BTRC: variants seen among roughly 807,000 people sequenced by gnomAD.
BTRC encodes beta-transducin repeat containing E3 ubiquitin protein ligase, also known as F-box/WD repeat-containing protein 1A.
In BTRC, 42 loss-of-function variants were observed where a neutral mutation model predicts 85.5. The ratio of observed to expected loss-of-function variants is 0.49; its 90% CI spans 0.38 to 0.64. The LOEUF (loss-of-function observed/expected upper bound fraction) is 0.64, where lower values mean the gene tolerates loss of function less well. Ranked by LOEUF, BTRC falls within the 30% of genes least tolerant of loss-of-function variation. The pLI, the probability that BTRC is intolerant of heterozygous loss-of-function variation, is 0.00. For synonymous variants in BTRC, 255 were observed against 263.3 expected (o/e 0.97, Z 0.30); for missense variants, 594 against 743.5 (o/e 0.80, Z 2.34).
intron 1 of BTRC, among the ~76,000 whole-genome samples, chr10:101,411,107 T>C (rs929770238): frequency 6.6e-6 from 1 of 151,662 alleles, no homozygotes; most frequent in Non-Finnish European, 1.5e-5. Flanking sequence ...GCAGTTCTCC[T>C]GCTTCAGCCT....
chr10:101,490,413 G>GT (rs1434372020), intron 4 of BTRC, among the ~76,000 whole-genome samples: 1 of 152,204 alleles, frequency 6.6e-6, no homozygotes, highest in Non-Finnish European at 1.5e-5. Flanking sequence ...TGTGAACCTG[G>GT]TGAGATGGAC....
At chr10:101,359,805 G>A (rs1164567554) in intron 1 of BTRC, among the ~76,000 whole-genome samples, 3 of 151,970 alleles carry the variant, frequency 2.0e-5, no homozygotes, top group African/African-American at 7.3e-5. Flanking sequence ...TTTCCATGTT[G>A]GTCAGGCTGG....
At chr10:101,475,890 C>T (rs1269184520) in intron 3 of BTRC, among the ~76,000 whole-genome samples, 2 of 126,462 alleles carry the variant, frequency 1.6e-5, no homozygotes, top group African/African-American at 5.8e-5. Context: ...CAAGTAGAAA[C>T]AGAATATTTG....
intron 1 of BTRC, among the ~76,000 whole-genome samples, chr10:101,396,596 G>T (rs1226414323): frequency 1.3e-5 from 2 of 151,740 alleles, no homozygotes; most frequent in Non-Finnish European, 2.9e-5. Context: ...TTTCATTTTT[G>T]ATCTACTTAG....
chr10:101,461,333 C>A (rs1326364705), intron 2 of BTRC, among the ~76,000 whole-genome samples: 1 of 152,060 alleles, frequency 6.6e-6, no homozygotes, highest in East Asian at 1.9e-4. Flanking sequence ...TATTGACTAG[C>A]AGATTTTTAG....
chr10:101,430,258 T>G (rs1244206237), intron 1 of BTRC, 87 bp from the exon 2 acceptor site: 1 of 768,752 alleles, frequency 1.3e-6, no homozygotes, highest in Non-Finnish European at 2.1e-6. Flanking sequence ...AACTGGAATA[T>G]TGCGTTCAGC....
intron 3 of BTRC, 99 bp from the exon 4 acceptor site, chr10:101,479,269 A>G (rs1425396875): frequency 4.8e-6 from 4 of 837,640 alleles, no homozygotes; most frequent in Non-Finnish European, 5.6e-6. Flanking sequence ...GATAAAATCT[A>G]TTTGTGTTTT....
intron 2 of BTRC, among the ~76,000 whole-genome samples, chr10:101,455,060 C>CTT (rs34039959): frequency 1.2e-4 from 17 of 143,318 alleles, no homozygotes; most frequent in African/African-American, 1.5e-4. Context: ...ATCCAAGAAA[C>CTT]TTTTTTTTTT....
intron 4 of BTRC, among the ~76,000 whole-genome samples, chr10:101,514,043 C>T (rs745323435): frequency 2.4e-4 from 37 of 152,270 alleles, no homozygotes; most frequent in Non-Finnish European, 4.0e-4. Context: ...AACATCTTTT[C>T]ATATGCTTAT....
intron 1 of BTRC, among the ~76,000 whole-genome samples, chr10:101,378,520 A>ATTTT (rs368968037): frequency 1.0e-5 from 1 of 97,068 alleles, no homozygotes; most frequent in Admixed American, 1.2e-4. Context: ...CCCAATTATA[A>ATTTT]TTTTTTTTTT....
intron 2 of BTRC, among the ~76,000 whole-genome samples, chr10:101,460,043 C>T (rs1338284411): frequency 6.6e-6 from 1 of 152,108 alleles, no homozygotes; most frequent in African/African-American, 2.4e-5. Flanking sequence ...TTTTGAAATA[C>T]AGGATCTTAC....
At position 101,430,413 on chromosome 10, in the gene BTRC, C is replaced by T. The variant is rs763367456; in HGVS notation, c.117C>T (p.Cys39=). 5.3e-5 allele frequency: 85 copies of T among 1,613,938 alleles called. No individual in the cohort carries two copies. The highest frequency in any genetic ancestry group is 5.9e-6 in the Non-Finnish European group (7 of 1,179,990). Residue 39 remains cysteine (C), a synonymous_variant, in exon 2 of 15, where the codon TGC becomes TGT. Coordinates refer to ENST00000370187, the MANE Select transcript of BTRC (RefSeq NM_033637.4). ...CGGACAGCATGCCTTCGCTGCGATGCCTGTATAACCCAGGGACTGGCGCAC... is the reference window on the plus strand; with the variant it reads ...CGGACAGCATGCCTTCGCTGCGATGTCTGTATAACCCAGGGACTGGCGCAC... The part of the protein sequence containing the change: ...SLADSMPSLR[C]LYNPGTGALT...
intron 1 of BTRC, among the ~76,000 whole-genome samples, chr10:101,418,453 G>T (rs1296971704): frequency 6.6e-6 from 1 of 151,846 alleles, no homozygotes; most frequent in Non-Finnish European, 1.5e-5. Context: ...ATGGCGAATA[G>T]TTATTACAAT....
At chr10:101,479,747 G>T (rs553762096) in intron 4 of BTRC, among the ~76,000 whole-genome samples, 1 of 152,156 alleles carries the variant, frequency 6.6e-6, no homozygotes, top group African/African-American at 2.4e-5. Flanking sequence ...ATAAGATAAT[G>T]TACAATTGTT....
chr10:101,401,206 A>G (rs1564748811), intron 1 of BTRC, among the ~76,000 whole-genome samples: 1 of 152,266 alleles, frequency 6.6e-6, no homozygotes, highest in Non-Finnish European at 1.5e-5. Flanking sequence ...GTATTTAAGT[A>G]CAGGTATAGG....
chr10:101,398,054 G>A (rs1321913756), intron 1 of BTRC, among the ~76,000 whole-genome samples: 2 of 152,186 alleles, frequency 1.3e-5, no homozygotes, highest in African/African-American at 2.4e-5. Flanking sequence ...TCTTTGTTCA[G>A]CAGCTGGCTG....
chr10:101,471,093 A>G (rs1440537473), intron 3 of BTRC, among the ~76,000 whole-genome samples: 5 of 152,114 alleles, frequency 3.3e-5, no homozygotes, highest in African/African-American at 1.2e-4. Context: ...TGTCTTGATT[A>G]TTGTCATTTT....
At position 101,550,794 on chromosome 10, in the gene BTRC, T is replaced by G; in HGVS notation, c.1752T>G (p.Asn584Lys). 2 of 1,614,182 alleles carry G rather than the reference T, an allele frequency of 1.2e-6. No homozygotes were observed. Among genetic ancestry groups the G allele is most frequent in the Non-Finnish European group, 1.7e-6 (2 of 1,180,012 alleles). Residue 584 changes from asparagine (N) to lysine (K), a missense_variant, in exon 14 of 15, where the codon AAT (asparagine) becomes AAG (lysine). This residue lies in a region of BTRC where 56 missense variants were observed against 39.6 expected (regional missense o/e 1.41). Coordinates refer to ENST00000370187, the MANE Select transcript of BTRC (RefSeq NM_033637.4). ...CAATCCTCATCTGGGACTTCCTAAA[T>G]GATCCAGCTGCCCAAGCTGAACCCC... ...DDTILIWDFL[N>K]DPAAQAEPPR...
At chr10:101,395,351 C>A (rs1206260656) in intron 1 of BTRC, among the ~76,000 whole-genome samples, 1 of 152,108 alleles carries the variant, frequency 6.6e-6, no homozygotes, top group South Asian at 2.1e-4. Context: ...TTTCCCAACA[C>A]CCTCTGTGCT....
Sources: allele counts gnomAD v4.1 joint callset (sites outside exome capture counted in the v4.1 genomes callset), GRCh38; gene constraint gnomAD v4.1.1; regional missense constraint gnomAD v4.1.1; transcripts MANE v1.5; gene names NCBI Gene and HGNC (gene_info 2026-07-23, HGNC 2026-07-21).